The following CIBAR2 variants were observed in gnomAD, a reference collection of about 807,000 sequenced individuals.
CIBAR2 encodes CBY1 interacting BAR domain containing 2.
A neutral mutation model predicts 36.2 loss-of-function variants in CIBAR2; 38 were observed. That is an observed-to-expected ratio of 1.05 (90% CI 0.81 to 1.38). CIBAR2 has a LOEUF of 1.38. Ranked by LOEUF, CIBAR2 falls within the 40% of genes most tolerant of loss-of-function variation. The probability of loss-of-function intolerance (pLI) is 0.00; values close to 1 mark genes in which losing one functional copy is unlikely to be tolerated. For synonymous variants in CIBAR2, 182 were observed against 149.5 expected, an observed-to-expected ratio of 1.22 and a Z score of -1.58; for missense variants, 481 against 383.4, an observed-to-expected ratio of 1.25 and a Z score of -2.13.
chr16:85,107,138 C>G (rs749742276), intron 5 of CIBAR2, among the ~76,000 whole-genome samples: 8 of 151,340 alleles, frequency 5.3e-5, no homozygotes, highest in Non-Finnish European at 1.2e-4. Context: ...CAGAGCGAGA[C>G]TTTGTCTCTC....
At position 85,110,413 on chromosome 16, in the gene CIBAR2, T is replaced by C. The variant is rs900059030; in HGVS notation, c.68A>G (p.Lys23Arg). 2 of 1,612,202 alleles carry C rather than the reference T, an allele frequency of 1.2e-6. No individual in the cohort carries two copies. The highest frequency in any genetic ancestry group is 1.7e-6 in the Non-Finnish European group (2 of 1,179,016). ...CAGCGAGCAGAACTGCCCAAAGTAC[T>C]TCTCGGTGTTGGCCACGGTATTCTC... is the stretch of plus-strand genomic sequence containing the variant. Reference protein sequence around the residue: ...VMENTVANTEKYFGQFCSLLA... With the variant: ...VMENTVANTERYFGQFCSLLA... Residue 23 changes from lysine (K) to arginine (R), a missense_variant, in exon 2 of 9, where the codon AAG (lysine) becomes AGG (arginine). Physicochemically the swap from Lys to Arg is conservative, Grantham distance 26. Transcript: ENST00000539556.
At chr16:85,100,946 C>T (rs774324028) in intron 7 of CIBAR2, among the ~76,000 whole-genome samples, 19 of 151,796 alleles carry the variant, frequency 1.3e-4, no homozygotes, top group African/African-American at 4.4e-4. Context: ...ACTCGGGAGG[C>T]GGAGGCAGGA....
Position 85,098,665 on chromosome 16 carries a change from A to G in CIBAR2, c.*520T>C. 1 of 942,578 alleles carries G rather than the reference A, an allele frequency of 1.1e-6. No homozygotes were observed. The highest frequency in any genetic ancestry group is 1.3e-6 in the Non-Finnish European group (1 of 790,906). The allele number at this position is 942,578 out of a possible 1,614,324, so 58.4% of individuals were successfully genotyped here. The stretch of plus-strand genomic sequence containing the variant: ...CTCCCCTTCTTTTCCTGGGCTCCAT[A>G]TGGTGCTCTGAGCACTCTAAATAAT... On this transcript the variant is annotated 3_prime_UTR_variant, in exon 9 of 9. Coordinates refer to ENST00000539556, the MANE Select transcript of CIBAR2 (RefSeq NM_198491.3).
intron 1 of CIBAR2, 37 bp from the exon 2 acceptor site, chr16:85,110,497 G>C: frequency 6.8e-7 from 1 of 1,474,060 alleles, no homozygotes; most frequent in Non-Finnish European, 9.3e-7. Context: ...ATTCTGGGCA[G>C]AGATGCAGGG....
chr16:85,101,301 T>C (rs765262839), intron 7 of CIBAR2, among the ~76,000 whole-genome samples: 20 of 152,194 alleles, frequency 1.3e-4, no homozygotes, highest in Non-Finnish European at 4.4e-5. Flanking sequence ...ATTTTCATTT[T>C]GCAGTGGGCC....
At chr16:85,099,802 T>TC (rs1429319162) in intron 8 of CIBAR2, among the ~76,000 whole-genome samples, 40 of 137,656 alleles carry the variant, frequency 2.9e-4, no homozygotes, top group African/African-American at 1.2e-3. Flanking sequence ...TTTTGCTTTT[T>TC]TTTTTTTTTT....
chr16:85,103,869 C>T (rs1007307687), intron 6 of CIBAR2, among the ~76,000 whole-genome samples: 5 of 152,222 alleles, frequency 3.3e-5, no homozygotes, highest in Non-Finnish European at 5.9e-5. Context: ...CTCTGCTCCA[C>T]GACGTGATGA....
intron 2 of CIBAR2, 75 bp from the exon 3 acceptor site, chr16:85,108,174 C>T: frequency 7.1e-7 from 1 of 1,405,886 alleles, no homozygotes; most frequent in Admixed American, 2.1e-5. Context: ...TAAAGCAGAG[C>T]CGGCACCCGG....
At chr16:85,107,750 G>T in intron 4 of CIBAR2, 78 bp from the exon 5 acceptor site, 1 of 1,589,840 alleles carries the variant, frequency 6.3e-7, no homozygotes, top group Non-Finnish European at 8.6e-7. Context: ...CACAGCCCCT[G>T]CCCAGCGGGC....
chr16:85,107,727 G>C, intron 4 of CIBAR2, 55 bp from the exon 5 acceptor site: 1 of 1,610,250 alleles, frequency 6.2e-7, no homozygotes, highest in South Asian at 1.1e-5. Context: ...CCGTTGGGGT[G>C]GTCCGCCCCC....
Position 85,108,103 on chromosome 16 carries a change from G to C in CIBAR2, c.256-4C>G. The C allele has an allele frequency of 4.4e-6, 7 of 1,606,926 alleles. No individual in the cohort carries two copies. The highest frequency in any genetic ancestry group is 6.0e-6 in the Non-Finnish European group (7 of 1,176,454). On this transcript the variant is annotated splice_polypyrimidine_tract_variant and splice_region_variant and intron_variant, in intron 2 of 8. Transcript: ENST00000539556. ...CCTTGGTCTCCAGCCTCTCGACCTG[G>C]GGGAGCGGGGACACCAGGGGATCTG...
intron 5 of CIBAR2, 73 bp from the exon 6 acceptor site, chr16:85,105,504 C>T (rs1212307367): frequency 2.6e-5 from 29 of 1,104,638 alleles, no homozygotes; most frequent in Non-Finnish European, 3.4e-5. Flanking sequence ...TTCTGAATCA[C>T]TCTGTCTCTA....
At position 85,098,702 on chromosome 16, in the gene CIBAR2, A is replaced by G; in HGVS notation, c.*483T>C. 1.5e-6 allele frequency: 1 copy of G among 672,848 alleles called. No homozygotes were observed. The highest frequency in any genetic ancestry group is 1.8e-6 in the Non-Finnish European group (1 of 544,966). 41.7% of individuals were successfully genotyped at this position (672,848 alleles called of 1,614,324 possible). A position where few individuals can be genotyped will look rare whatever the true frequency, so the allele number is the denominator to read the frequency against. On this transcript the variant is annotated 3_prime_UTR_variant, in exon 9 of 9. Coordinates refer to ENST00000539556, the MANE Select transcript of CIBAR2 (RefSeq NM_198491.3). Reference sequence around the variant, plus strand: ...GCACTCTAAATAATAATAATAATAAAACGACAGCAACATCAGTAATGATAA... The same window carrying G: ...GCACTCTAAATAATAATAATAATAAGACGACAGCAACATCAGTAATGATAA...
chr16:85,099,537 C>T (rs2073937690), intron 8 of CIBAR2, among the ~76,000 whole-genome samples, 191 bp from the exon 9 acceptor site: 1 of 152,070 alleles, frequency 6.6e-6, no homozygotes, highest in South Asian at 2.1e-4. Context: ...CCTCAGAGTG[C>T]CTCCAGGGAG....
intron 8 of CIBAR2, among the ~76,000 whole-genome samples, chr16:85,099,672 G>C (rs915889754): frequency 4.0e-5 from 6 of 151,230 alleles, no homozygotes; most frequent in Non-Finnish European, 7.4e-5. Flanking sequence ...AACCCGGGCT[G>C]GAGTGCAATG....
chr16:85,112,281 C>T, intron 1 of CIBAR2, 52 bp downstream of exon 1: 11 of 1,601,960 alleles, frequency 6.9e-6, no homozygotes, highest in Non-Finnish European at 8.5e-6. Flanking sequence ...CCCCGGGCCT[C>T]AAAACCCGAC....
At chr16:85,107,045 G>T (rs901960585) in intron 5 of CIBAR2, among the ~76,000 whole-genome samples, 1 of 152,228 alleles carries the variant, frequency 6.6e-6, no homozygotes, top group East Asian at 1.9e-4. Flanking sequence ...GTTGGGGAGG[G>T]TGAGGTAGGA....
At chr16:85,106,071 G>A (rs147297394) in intron 5 of CIBAR2, among the ~76,000 whole-genome samples, 5 of 152,336 alleles carry the variant, frequency 3.3e-5, no homozygotes, top group Non-Finnish European at 7.3e-5. Context: ...ACAGCTGGGG[G>A]CTGGCATCTA....
rs146076554 is a variant in CIBAR2 at position 85,109,191 on chromosome 16, G to T, written c.255+1035C>A. Among the ~76,000 whole-genome samples, 498 of 151,994 alleles carry T rather than the reference G, an allele frequency of 3.3e-3. 3 individuals are homozygous for T. The highest frequency in any genetic ancestry group is 0.011 in the African/African-American group (470 of 41,458). On this transcript the variant is annotated intron_variant, in intron 2 of 8. Coordinates refer to ENST00000539556, the MANE Select transcript of CIBAR2 (RefSeq NM_198491.3). The stretch of plus-strand genomic sequence containing the variant: ...TTTGGGTGGCCGAGGTGGGAGGACA[G>T]CTTGACCCCAGGAGTTCAAGACCAG...
Sources: gnomAD v4.1 joint callset for allele counts (sites outside exome capture counted in the v4.1 genomes callset) on GRCh38, gnomAD v4.1.1 for gene constraint, MANE v1.5 for transcripts, NCBI Gene and HGNC (gene_info 2026-07-23, HGNC 2026-07-21) for gene names.